FMNL2: variants seen among roughly 807,000 people sequenced by gnomAD.
FMNL2 encodes formin-like protein 2.
Under a neutral mutation model 130.2 loss-of-function variants are expected in FMNL2, and 51 were observed. The ratio of observed to expected loss-of-function variants is 0.39; its 90% CI spans 0.31 to 0.49. The LOEUF (loss-of-function observed/expected upper bound fraction) is 0.49, where lower values mean the gene tolerates loss of function less well. Ranked by LOEUF, FMNL2 falls within the 20% of genes least tolerant of loss-of-function variation. The pLI, the probability that FMNL2 is intolerant of heterozygous loss-of-function variation, is 0.85. For missense variants in FMNL2, 977 were observed against 1,316.2 expected (o/e 0.74, Z 3.99); for synonymous variants, 465 against 467.1 (o/e 1.00, Z 0.06).
intron 6 of FMNL2, among the ~76,000 whole-genome samples, chr2:152,564,078 G>A (rs946048333): frequency 3.3e-5 from 5 of 151,712 alleles, no homozygotes; most frequent in African/African-American, 1.2e-4. Flanking sequence ...TTTAAACTTT[G>A]ATACACTCTG....
At chr2:152,634,204 G>A (rs948086474) in intron 21 of FMNL2, among the ~76,000 whole-genome samples, 2 of 152,100 alleles carry the variant, frequency 1.3e-5, no homozygotes, top group Admixed American at 6.5e-5. Flanking sequence ...AGGCTGAGGC[G>A]GGCGGATCAC....
intron 1 of FMNL2, among the ~76,000 whole-genome samples, chr2:152,485,491 G>T (rs930963491): frequency 1.3e-5 from 2 of 152,042 alleles, no homozygotes; most frequent in African/African-American, 4.8e-5. Context: ...AGGTTGAGCC[G>T]TGATTGTGCC....
At chr2:152,392,363 T>C (rs1685162129) in intron 1 of FMNL2, among the ~76,000 whole-genome samples, 1 of 152,036 alleles carries the variant, frequency 6.6e-6, no homozygotes. Context: ...TTCTGTGGGG[T>C]GATTTGGAGA....
chr2:152,624,798 C>T (rs1422323758), intron 15 of FMNL2, among the ~76,000 whole-genome samples: 1 of 152,224 alleles, frequency 6.6e-6, no homozygotes, highest in African/African-American at 2.4e-5. Flanking sequence ...GATTGCGGCA[C>T]TGCACTGCAG....
intron 1 of FMNL2, among the ~76,000 whole-genome samples, chr2:152,397,783 G>A (rs2105950138): frequency 6.6e-6 from 1 of 152,084 alleles, no homozygotes; most frequent in African/African-American, 2.4e-5. Flanking sequence ...CTTCTGATTT[G>A]TATGTCATTC....
intron 1 of FMNL2, among the ~76,000 whole-genome samples, chr2:152,429,115 G>A (rs1383819540): frequency 1.3e-5 from 2 of 149,380 alleles, no homozygotes; most frequent in African/African-American, 2.5e-5. Flanking sequence ...GATCTGTGCA[G>A]CAAATCACCG....
At chr2:152,562,412 C>A (rs768098108) in intron 6 of FMNL2, among the ~76,000 whole-genome samples, 1 of 152,162 alleles carries the variant, frequency 6.6e-6, no homozygotes, top group Non-Finnish European at 1.5e-5. Context: ...GAATATGTGG[C>A]TTTCAGACCT....
At chr2:152,494,973 C>T (rs1190666781) in intron 1 of FMNL2, among the ~76,000 whole-genome samples, 1 of 152,164 alleles carries the variant, frequency 6.6e-6, no homozygotes, top group African/African-American at 2.4e-5. Context: ...CTAACACTTG[C>T]AACACACACA....
intron 9 of FMNL2, among the ~76,000 whole-genome samples, chr2:152,590,849 G>A (rs1231046745): frequency 6.6e-6 from 1 of 151,804 alleles, no homozygotes; most frequent in Non-Finnish European, 1.5e-5. Context: ...GCAAATGAGA[G>A]GATTTGGAGT....
At chr2:152,457,968 T>G (rs1157320306) in intron 1 of FMNL2, among the ~76,000 whole-genome samples, 1 of 152,236 alleles carries the variant, frequency 6.6e-6, no homozygotes, top group Non-Finnish European at 1.5e-5. Flanking sequence ...TCTCCATCTA[T>G]GAGGATTCAT....
intron 10 of FMNL2, chr2:152,607,647 A>G: frequency 3.0e-6 from 1 of 337,916 alleles, no homozygotes; most frequent in Non-Finnish European, 5.5e-6. Flanking sequence ...AGTACTAATC[A>G]TAGCAAATAA....
intron 1 of FMNL2, among the ~76,000 whole-genome samples, chr2:152,513,580 C>T (rs1033244844): frequency 4.6e-5 from 7 of 152,152 alleles, no homozygotes; most frequent in African/African-American, 1.4e-4. Flanking sequence ...TCACAAGCTT[C>T]TCTTGTAGCT....
chr2:152,565,129 G>A (rs1279815715), intron 6 of FMNL2, among the ~76,000 whole-genome samples: 1 of 152,192 alleles, frequency 6.6e-6, no homozygotes, highest in African/African-American at 2.4e-5. Flanking sequence ...TGAAGACAAA[G>A]GCTGTGTTAT....
rs143550461 is a variant in FMNL2, at chr2:152,548,248, ACATAG to A, written c.283-770_283-766del. ...GTTAGGTCACGCAGAAAAAAAATTA[ACATAG>A]CAGGCCTGAGACTGCTATGCTTAGC... On this transcript the variant is annotated intron_variant, in intron 3 of 25. Coordinates refer to ENST00000288670, the MANE Select transcript of FMNL2 (RefSeq NM_052905.4). Among the ~76,000 whole-genome samples the A allele has an allele frequency of 9.0e-3, 1,371 of 152,192 alleles. 14 individuals carry two copies. Among genetic ancestry groups the A allele is most frequent in the African/African-American group, 0.022 (924 of 41,522 alleles).
intron 9 of FMNL2, among the ~76,000 whole-genome samples, chr2:152,602,150 C>T (rs1451488324): frequency 2.0e-5 from 3 of 152,178 alleles, no homozygotes; most frequent in Non-Finnish European, 4.4e-5. Flanking sequence ...AGTCTTAGAG[C>T]TTGAAGGTGC....
chr2:152,618,862 C>A lies in FMNL2; in HGVS notation c.1331C>A (p.Ala444Glu). The change falls in exon 14 of 26, where the codon GCA becomes GAA. Residue 444 changes from alanine (A) to glutamate (E), a missense_variant. By Grantham distance (107) the Ala-to-Glu change is moderately radical. Transcript: ENST00000288670. Reference protein sequence around the residue: ...LDVVREIYKDANTQVHTLRKM... With the variant: ...LDVVREIYKDENTQVHTLRKM... ...TTATTGCAGGAAATCTACAAAGATG[C>A]AAATACTCAAGTTCACACATTAAGA... 6.3e-7 allele frequency: 1 copy of A among 1,597,694 alleles called. No individual in the cohort carries two copies. Among genetic ancestry groups the A allele is most frequent in the South Asian group, 1.1e-5 (1 of 88,478 alleles).
intron 1 of FMNL2, among the ~76,000 whole-genome samples, chr2:152,478,245 TATA>T (rs1263815520): frequency 0.01 from 405 of 40,438 alleles, 1 homozygote; most frequent in Admixed American, 0.021. Flanking sequence ...TATATATATA[TATA>T]TATTTTTTTT....
Position 152,572,809 on chromosome 2 carries a change from T to TTA in FMNL2, c.597-2327_597-2326insTA, listed in dbSNP as rs1696251308. On this transcript the variant is annotated intron_variant, in intron 6 of 25. Coordinates refer to ENST00000288670, the MANE Select transcript of FMNL2 (RefSeq NM_052905.4). Reference sequence around the variant, plus strand: ...TTCAAAACCTGTTTTTTTTTTTTTTTAAAGTAGTCATTTACTCACATGGTA... The same window carrying TTA: ...TTCAAAACCTGTTTTTTTTTTTTTTTTAAAAGTAGTCATTTACTCACATGGTA... Among the ~76,000 whole-genome samples the TTA allele has an allele frequency of 2.0e-5, 3 of 150,630 alleles. No homozygotes were observed. In the South Asian group the frequency reaches 6.3e-4, roughly 31 times the overall value.
chr2:152,462,099 G>A (rs750359093), intron 1 of FMNL2, among the ~76,000 whole-genome samples: 5 of 152,090 alleles, frequency 3.3e-5, no homozygotes, highest in Non-Finnish European at 7.4e-5. Context: ...TTTTGCTTAA[G>A]TAATCCTCCT....
Sources: allele counts gnomAD v4.1 joint callset (sites outside exome capture counted in the v4.1 genomes callset), GRCh38; gene constraint gnomAD v4.1.1; transcripts MANE v1.5; gene names NCBI Gene and HGNC (gene_info 2026-07-23, HGNC 2026-07-21).